Variants in TRANK1 observed in about 807,000 individuals in gnomAD.
TRANK1 encodes the protein tetratricopeptide repeat and ankyrin repeat containing 1.
In TRANK1, 198 loss-of-function variants were observed where a neutral mutation model predicts 266.0. The ratio of observed to expected loss-of-function variants is 0.74; its 90% CI spans 0.66 to 0.84. The LOEUF is 0.84. Ranked by LOEUF, TRANK1 falls within the 40% of genes least tolerant of loss-of-function variation. The pLI, the probability that TRANK1 is intolerant of heterozygous loss-of-function variation, is 0.00. For missense variants in TRANK1, 3,326 were observed against 3,634.6 expected (o/e 0.92, Z 2.18); for synonymous variants, 1,396 against 1,384.1 (o/e 1.01, Z -0.19).
intron 1 of TRANK1, 192 bp from the exon 2 acceptor site, chr3:36,908,646 A>C: frequency 8.2e-7 from 1 of 1,224,066 alleles, no homozygotes; most frequent in Non-Finnish European, 1.0e-6. Flanking sequence ...TTTCTTTGTC[A>C]GTTCTTTTCT....
Position 36,895,579 on chromosome 3 carries a change from G to A in TRANK1, c.552+61C>T, listed in dbSNP as rs554679433. ...TAAATTACAATCCCTCAATGCCAATGGAAAGGAATCATTTCATCAAGAATG... is the reference window on the plus strand; with the variant it reads ...TAAATTACAATCCCTCAATGCCAATAGAAAGGAATCATTTCATCAAGAATG... On this transcript the variant is annotated intron_variant, in intron 5 of 23. Coordinates refer to ENST00000645898, the MANE Select transcript of TRANK1 (RefSeq NM_001329998.2). The A allele has an allele frequency of 9.5e-5, 100 of 1,047,164 alleles. No individual in the cohort carries two copies. In the East Asian group the frequency reaches 2.6e-3, roughly 27 times the overall value. The allele number at this position is 1,047,164 out of a possible 1,614,324, so 64.9% of individuals were successfully genotyped here. A position where few individuals can be genotyped will look rare whatever the true frequency, so the allele number is the denominator to read the frequency against.
rs2079348290 is a variant in TRANK1 at position 36,874,000 on chromosome 3, G to A, written c.1078+126C>T. On this transcript the variant is annotated intron_variant, in intron 9 of 23. Transcript: ENST00000645898. ...CAAACAAGTTTTCCAAAGATTGGTAGGTCTCACTTCCATATATATATGTGT... is the reference window on the plus strand; with the variant it reads ...CAAACAAGTTTTCCAAAGATTGGTAAGTCTCACTTCCATATATATATGTGT... 7.8e-6 allele frequency: 6 copies of A among 769,872 alleles called. No individual in the cohort carries two copies. The East Asian group carries it at 1.3e-4, about 17-fold the overall frequency. The allele number at this position is 769,872 out of a possible 1,614,324, so 47.7% of individuals were successfully genotyped here. A position where few individuals can be genotyped will look rare whatever the true frequency, so the allele number is the denominator to read the frequency against.
At chr3:36,859,005 T>C (rs1239642021) in intron 11 of TRANK1, 111 bp from the exon 12 acceptor site, 11 of 1,273,452 alleles carry the variant, frequency 8.6e-6, no homozygotes, top group Non-Finnish European at 9.3e-6. Flanking sequence ...AATGTTTACC[T>C]AACTTCCAAG....
intron 9 of TRANK1, 94 bp downstream of exon 9, chr3:36,874,028 GTATA>G: frequency 3.2e-6 from 3 of 938,682 alleles, no homozygotes; most frequent in Non-Finnish European, 4.5e-6. Context: ...ATATGTGTGT[GTATA>G]TATATATATA....
At chr3:36,866,097 A>AAAGAAAGAAAGAAAGAAAGG (rs2079221093) in intron 9 of TRANK1, among the ~76,000 whole-genome samples, 1 of 151,904 alleles carries the variant, frequency 6.6e-6, no homozygotes, top group African/African-American at 2.4e-5. Context: ...AGAAAGAAAG[A>AAAGAAAGAAAGAAAGAAAGG]AAGAAAGAAA....
chr3:36,851,185 A>C, intron 15 of TRANK1: 1 of 985,758 alleles, frequency 1.0e-6, no homozygotes, highest in Non-Finnish European at 1.2e-6. Flanking sequence ...CATCTGCATG[A>C]GCTGCAAGCA....
intron 8 of TRANK1, chr3:36,880,360 G>T: frequency 2.5e-6 from 1 of 396,524 alleles, no homozygotes; most frequent in Non-Finnish European, 5.3e-6. Context: ...ATTCTTTCAG[G>T]ATTAAGACCT....
Position 36,855,969 on chromosome 3 carries a change from A to G in TRANK1, c.3753T>C (p.Leu1251=), listed in dbSNP as rs1430761135. The G allele has an allele frequency of 5.6e-6, 9 of 1,613,638 alleles. No homozygotes were observed. Among genetic ancestry groups the G allele is most frequent in the Non-Finnish European group, 7.6e-6 (9 of 1,179,842 alleles). ...PLFVTSKQLL[L]LLDASLPKPF... ...GTTTGGGCAGAGAAGCATCAAGCAG[A>G]AGAAGCAGCTGCTTGGAAGTGACAA... Residue 1251 remains leucine, a synonymous_variant, in exon 13 of 24, where the codon CTT becomes CTC. Coordinates refer to ENST00000645898, the MANE Select transcript of TRANK1 (RefSeq NM_001329998.2).
chr3:36,871,257 G>A (rs930580858), intron 9 of TRANK1, among the ~76,000 whole-genome samples: 22 of 151,988 alleles, frequency 1.4e-4, no homozygotes, highest in Non-Finnish European at 1.2e-4. Context: ...GTGTGGTGGT[G>A]CACGCCTGTA....
chr3:36,834,646 G>A, intron 21 of TRANK1, 116 bp downstream of exon 21: 1 of 1,218,364 alleles, frequency 8.2e-7, no homozygotes, highest in Non-Finnish European at 1.1e-6. Flanking sequence ...AAGTGGAAAG[G>A]GAGCAATGTG....
rs539298519 is a variant in TRANK1, at chr3:36,856,693, T to C, written c.3029A>G (p.Asn1010Ser). Residue 1010 changes from asparagine (N) to serine (S), a missense_variant, in exon 13 of 24, where the codon AAT (asparagine) becomes AGT (serine). Physicochemically the swap from Asn to Ser is conservative, Grantham distance 46. Transcript: ENST00000645898. The stretch of plus-strand genomic sequence containing the variant: ...ACTGGCTGGGGGAAAGTACTCAGGA[T>C]TGACATGCTCCCTGCCCTTCTCGGC... Reference protein sequence around the residue: ...TEAEKGREHVNPEYFPPASAV... With the variant: ...TEAEKGREHVSPEYFPPASAV... 3.1e-5 allele frequency: 50 copies of C among 1,614,070 alleles called. No individual in the cohort carries two copies. The Middle Eastern group carries it at 6.6e-4, about 21-fold the overall frequency.
chr3:36,832,986 T>G lies in TRANK1; in HGVS notation c.6597A>C (p.Leu2199Phe), dbSNP rs777736345. 2.9e-5 allele frequency: 47 copies of G among 1,611,458 alleles called. 1 individual carries two copies. In the South Asian group the frequency reaches 4.7e-4, roughly 16 times the overall value. The change falls in exon 22 of 24, where the codon TTA becomes TTC. Residue 2199 changes from leucine (L) to phenylalanine (F), a missense_variant. Transcript: ENST00000645898. ...GTTCACAGTTTTCATCCTCACATTT[T>G]AAGCCTACAATAAACCTCATGCAGA... ...RGVCMRFIVG[L>F]KCEDENCEHF...
intron 1 of TRANK1, among the ~76,000 whole-genome samples, chr3:36,921,042 T>A (rs2080206232): frequency 6.6e-6 from 1 of 152,186 alleles, no homozygotes; most frequent in Non-Finnish European, 1.5e-5. Flanking sequence ...GTTCTCCTGG[T>A]CACCTGCTCC....
intron 1 of TRANK1, among the ~76,000 whole-genome samples, chr3:36,937,308 T>A (rs1181143127): frequency 6.6e-6 from 1 of 152,194 alleles, no homozygotes; most frequent in East Asian, 1.9e-4. Flanking sequence ...GGCAGCTGCA[T>A]GATAACAAGT....
intron 8 of TRANK1, 46 bp from the exon 9 acceptor site, chr3:36,874,342 C>T: frequency 6.6e-7 from 1 of 1,522,338 alleles, no homozygotes; most frequent in Non-Finnish European, 8.8e-7. Context: ...TGGTTCCTTC[C>T]ATAAGATGTC....
Position 36,832,807 on chromosome 3 carries a change from G to A in TRANK1, c.6776C>T (p.Thr2259Ile). Residue 2259 changes from threonine (T) to isoleucine (I), a missense_variant, in exon 22 of 24, where the codon ACA (threonine) becomes ATA (isoleucine). By Grantham distance (89) the Thr-to-Ile change is moderately conservative (BLOSUM62 -1). Coordinates refer to ENST00000645898, the MANE Select transcript of TRANK1 (RefSeq NM_001329998.2). ...GGACTTGCAAAGGCCATACATATCTGTAGACAAAATATAATCAATTTCTTT... is the reference window on the plus strand; with the variant it reads ...GGACTTGCAAAGGCCATACATATCTATAGACAAAATATAATCAATTTCTTT... The part of the protein sequence containing the change: ...ELKEIDYILS[T>I]DMYGLCKSIL... The A allele has an allele frequency of 6.2e-7, 1 of 1,613,988 alleles. No homozygotes were observed. The highest frequency in any genetic ancestry group is 8.5e-7 in the Non-Finnish European group (1 of 1,179,866).
At chr3:36,851,002 G>A in intron 15 of TRANK1, 4 of 985,546 alleles carry the variant, frequency 4.1e-6, no homozygotes, top group Non-Finnish European at 4.8e-6. Flanking sequence ...AAAGATAGTG[G>A]GAAAGAGAAA....
At chr3:36,936,296 G>A (rs1575337276) in intron 1 of TRANK1, among the ~76,000 whole-genome samples, 1 of 151,936 alleles carries the variant, frequency 6.6e-6, no homozygotes, top group African/African-American at 2.4e-5. Context: ...ACCAGCCTGG[G>A]CAACATAGCG....
intron 9 of TRANK1, among the ~76,000 whole-genome samples, chr3:36,873,881 G>T (rs1575237457): frequency 6.9e-6 from 1 of 145,192 alleles, no homozygotes. Context: ...CACCCACACT[G>T]TCAAAAGGTG....
Sources: allele counts gnomAD v4.1 joint callset (sites outside exome capture counted in the v4.1 genomes callset), GRCh38; gene constraint gnomAD v4.1.1; transcripts MANE v1.5; gene names NCBI Gene and HGNC (gene_info 2026-07-23, HGNC 2026-07-21).